Variants in ANKRD27 observed in about 807,000 individuals in gnomAD.
The protein encoded by ANKRD27 is ankyrin repeat domain-containing protein 27.
ANKRD27 carries 112 observed loss-of-function variants against 129.7 expected under a neutral mutation model. The observed-to-expected ratio is 0.86, with a 90% CI of 0.74 to 1.01. The LOEUF is 1.01. Among genes scored for constraint, ANKRD27 ranks in the 50% least tolerant of loss-of-function variants. The probability of loss-of-function intolerance (pLI) is 0.00; values close to 1 mark genes in which losing one functional copy is unlikely to be tolerated. For missense variants in ANKRD27, 1,258 were observed against 1,300.5 expected, an observed-to-expected ratio of 0.97 and a Z score of 0.50; for synonymous variants, 516 against 511.2, an observed-to-expected ratio of 1.01 and a Z score of -0.13.
At chr19:32,657,703 G>C (rs966026120) in intron 2 of ANKRD27, among the ~76,000 whole-genome samples, 1 of 151,996 alleles carries the variant, frequency 6.6e-6, no homozygotes, top group African/African-American at 2.4e-5. Flanking sequence ...GCCAGACACA[G>C]TGGCTCACGC....
At chr19:32,620,655 G>T (rs1410595656) in intron 18 of ANKRD27, among the ~76,000 whole-genome samples, 1 of 151,910 alleles carries the variant, frequency 6.6e-6, no homozygotes, top group Non-Finnish European at 1.5e-5. Context: ...AAGGGGCCAA[G>T]GCGGGCAGAT....
In ANKRD27 at chr19:32,619,489, C is replaced by T. The variant is rs918386231; in HGVS notation, c.1887+5G>A. On this transcript the variant is annotated splice_donor_5th_base_variant and intron_variant, in intron 19 of 28. Coordinates refer to ENST00000306065, the MANE Select transcript of ANKRD27 (RefSeq NM_032139.3). ...AACCTGACCTGCTCAGCCCGGCTGA[C>T]TTACCTCGGACGACTTCTGCCTCCT... 11 of 1,614,044 alleles carry T rather than the reference C, an allele frequency of 6.8e-6. No homozygotes were observed. Among genetic ancestry groups the T allele is most frequent in the Non-Finnish European group, 9.3e-6 (11 of 1,180,032 alleles).
chr19:32,658,803 G>A, intron 2 of ANKRD27, 111 bp downstream of exon 2: 1 of 938,992 alleles, frequency 1.1e-6, no homozygotes, highest in Non-Finnish European at 1.7e-6. Context: ...CACACTGCTG[G>A]GAGCTTGTTA....
intron 2 of ANKRD27, among the ~76,000 whole-genome samples, chr19:32,651,805 T>C (rs1360756438): frequency 1.3e-5 from 2 of 152,154 alleles, no homozygotes; most frequent in African/African-American, 2.4e-5. Flanking sequence ...GCATCCCCAC[T>C]GTCAAGCACA....
intron 22 of ANKRD27, among the ~76,000 whole-genome samples, chr19:32,610,350 T>C (rs907544229): frequency 1.5e-4 from 23 of 151,384 alleles, no homozygotes; most frequent in Admixed American, 1.3e-4. Context: ...CCCAGCATGG[T>C]GGTACGTGCC....
At position 32,646,455 on chromosome 19, in the gene ANKRD27, A is replaced by G. The variant is rs778913791; in HGVS notation, c.370+4T>C. 1.3e-6 allele frequency: 2 copies of G among 1,593,546 alleles called. No homozygotes were observed. The highest frequency in any genetic ancestry group is 1.7e-6 in the Non-Finnish European group (2 of 1,172,994). ...GGAGAAAAAGGTTTTTTCTCCCAGA[A>G]TACCTGAACTCTCTCTCTTTTCCAA... On this transcript the variant is annotated splice_donor_region_variant and intron_variant, in intron 4 of 28. Transcript: ENST00000306065.
intron 12 of ANKRD27, among the ~76,000 whole-genome samples, chr19:32,632,406 T>C (rs1967011172): frequency 6.6e-6 from 1 of 151,784 alleles, no homozygotes; most frequent in Non-Finnish European, 1.5e-5. Context: ...GCCAACATGG[T>C]GAAACCCCTC....
chr19:32,647,530 G>A (rs940898869), intron 3 of ANKRD27, among the ~76,000 whole-genome samples: 6 of 152,216 alleles, frequency 3.9e-5, no homozygotes, highest in East Asian at 3.8e-4. Flanking sequence ...GGGAAGCCCG[G>A]CCACAGTGTC....
At chr19:32,659,616 A>G (rs1457721996) in intron 1 of ANKRD27, among the ~76,000 whole-genome samples, 1 of 152,226 alleles carries the variant, frequency 6.6e-6, no homozygotes, top group African/African-American at 2.4e-5. Flanking sequence ...CAAAATTATG[A>G]CATTCTCAAG....
chr19:32,599,645 A>G (rs1971621100), intron 28 of ANKRD27, 59 bp downstream of exon 28: 2 of 1,475,702 alleles, frequency 1.4e-6, no homozygotes, highest in Non-Finnish European at 1.9e-6. Context: ...ACCATGGATT[A>G]CTTTTGACAA....
At chr19:32,659,778 T>C (rs1273899140) in intron 1 of ANKRD27, among the ~76,000 whole-genome samples, 1 of 152,110 alleles carries the variant, frequency 6.6e-6, no homozygotes, top group Non-Finnish European at 1.5e-5. Context: ...GGTGTGGTGG[T>C]TCATGCCTGT....
chr19:32,643,712 GAGCTTCA>G (rs1317662953), intron 5 of ANKRD27, 81 bp from the exon 6 acceptor site: 7 of 1,426,816 alleles, frequency 4.9e-6, no homozygotes, highest in South Asian at 2.3e-5. Flanking sequence ...AAGGCGCACA[GAGCTTCA>G]AGTGCTAACA....
chr19:32,658,566 G>A (rs887830449), intron 2 of ANKRD27, among the ~76,000 whole-genome samples: 1 of 152,172 alleles, frequency 6.6e-6, no homozygotes, highest in Non-Finnish European at 1.5e-5. Context: ...AGGCCCCAGG[G>A]AGCACAACTC....
At chr19:32,605,474 C>T (rs1335980655) in intron 24 of ANKRD27, among the ~76,000 whole-genome samples, 1 of 152,244 alleles carries the variant, frequency 6.6e-6, no homozygotes, top group Non-Finnish European at 1.5e-5. Context: ...TTTTTCCCTA[C>T]TTCTTTAAGA....
chr19:32,598,217 C>T lies in ANKRD27; in HGVS notation c.3081G>A (p.Ala1027=), dbSNP rs140577382. The T allele has an allele frequency of 8.7e-6, 14 of 1,614,010 alleles. No individual in the cohort carries two copies. The highest frequency in any genetic ancestry group is 2.7e-5 in the African/African-American group (2 of 74,880). ...RMLRRHTVED[A]VVSQGPEAAG... is the part of the protein sequence containing the mutation. ...CAGCCTCCGGGCCCTGGGACACGACCGCATCCTCTACCGTGTGTCTCCGCA... is the reference window on the plus strand; with the variant it reads ...CAGCCTCCGGGCCCTGGGACACGACTGCATCCTCTACCGTGTGTCTCCGCA... Residue 1027 remains alanine, a synonymous_variant, in exon 29 of 29, where the codon GCG becomes GCA. Transcript: ENST00000306065.
chr19:32,662,425 G>T (rs1261392103), intron 1 of ANKRD27, among the ~76,000 whole-genome samples: 1 of 149,526 alleles, frequency 6.7e-6, no homozygotes, highest in African/African-American at 2.5e-5. Context: ...TGTACAATTT[G>T]TGAGTGTCAG....
Position 32,643,370 on chromosome 19 carries a change from C to G in ANKRD27, c.640-18G>C. The G allele has an allele frequency of 1.2e-6, 2 of 1,613,700 alleles. No homozygotes were observed. The highest frequency in any genetic ancestry group is 1.7e-4 in the Middle Eastern group (1 of 6,060). ...ACGTATATCTGTGGAATCAACAGACCCCATTCAGGGTGTGAGCGGGCAACA... is the reference window on the plus strand; with the variant it reads ...ACGTATATCTGTGGAATCAACAGACGCCATTCAGGGTGTGAGCGGGCAACA... On this transcript the variant is annotated intron_variant, in intron 7 of 28. Transcript: ENST00000306065.
intron 1 of ANKRD27, among the ~76,000 whole-genome samples, chr19:32,674,578 C>T (rs914939497): frequency 6.6e-6 from 1 of 150,758 alleles, no homozygotes; most frequent in Admixed American, 6.6e-5. Flanking sequence ...GAGACCCCCC[C>T]GCCCTGCGAG....
At position 32,600,019 on chromosome 19, in the gene ANKRD27, C is replaced by T; in HGVS notation, c.2799G>A (p.Glu933=). The T allele has an allele frequency of 6.2e-7, 1 of 1,613,068 alleles. No homozygotes were observed. The highest frequency in any genetic ancestry group is 8.5e-7 in the Non-Finnish European group (1 of 1,179,228). The stretch of plus-strand genomic sequence containing the variant: ...CAAAGTAAAACTGTCTTGTAAAAGG[C>T]TCATCTGGTAGATCATACAGTTTTG... ...WNSKLYDLPD[E]PFTRQFYFVH... is the part of the protein sequence containing the mutation. The change falls in exon 27 of 29, where the codon GAG becomes GAA. Residue 933 remains glutamate (E), a synonymous_variant. Transcript: ENST00000306065.
Sources: allele counts gnomAD v4.1 joint callset (sites outside exome capture counted in the v4.1 genomes callset), GRCh38; gene constraint gnomAD v4.1.1; transcripts MANE v1.5; gene names NCBI Gene and HGNC (gene_info 2026-07-23, HGNC 2026-07-21).